DRC3: variants seen among roughly 807,000 people sequenced by gnomAD.
The protein encoded by DRC3 is dynein regulatory complex subunit 3, also known as leucine rich repeat containing 48.
A neutral mutation model predicts 57.6 loss-of-function variants in DRC3; 45 were observed. That is an observed-to-expected ratio of 0.78 (90% CI 0.62 to 1.00). The LOEUF is 1.00. DRC3 is among the 50% of genes least tolerant of loss of function. DRC3 has a pLI of 0.00. For missense variants in DRC3, 655 were observed against 675.2 expected, an observed-to-expected ratio of 0.97 and a Z score of 0.33; for synonymous variants, 257 against 272.3, an observed-to-expected ratio of 0.94 and a Z score of 0.55.
At chr17:18,004,533 G>A (rs750412218) in intron 10 of DRC3, 39 bp downstream of exon 10, 32 of 1,591,504 alleles carry the variant, frequency 2.0e-5, no homozygotes, top group Non-Finnish European at 2.7e-5. Flanking sequence ...AGAATCTGGC[G>A]ATGCAGCTGC....
chr17:17,984,101 C>T lies in DRC3; in HGVS notation c.277+157C>T, dbSNP rs942136815. 1.3e-4 allele frequency among the ~76,000 whole-genome samples: 20 copies of T among 152,326 alleles called. No individual in the cohort carries two copies. The Middle Eastern group carries it at 0.01, about 78-fold the overall frequency. ...GCTCTGCCTGCTGGGAGCAAGAAAGCTGCTATTTTTTAAAAGCCTAGGGCT... is the reference window on the plus strand; with the variant it reads ...GCTCTGCCTGCTGGGAGCAAGAAAGTTGCTATTTTTTAAAAGCCTAGGGCT... On this transcript the variant is annotated intron_variant, in intron 4 of 13. Coordinates refer to ENST00000399187, the MANE Select transcript of DRC3 (RefSeq NM_031294.4).
intron 12 of DRC3, chr17:18,010,526 A>G (rs1183066413): frequency 6.6e-6 from 1 of 152,238 alleles, no homozygotes; most frequent in Admixed American, 6.6e-5. Context: ...CCTGAGCAAA[A>G]AGAACAACGC....
At chr17:18,007,211 GAGGCTCTGT>G in intron 12 of DRC3, 64 bp downstream of exon 12, 1 of 1,006,736 alleles carries the variant, frequency 9.9e-7, no homozygotes, top group Non-Finnish European at 1.5e-6. Flanking sequence ...TGGCTGGACT[GAGGCTCTGT>G]GAGTAAGCCT....
chr17:17,975,140 T>G (rs1280426985), intron 2 of DRC3, among the ~76,000 whole-genome samples: 3 of 151,962 alleles, frequency 2.0e-5, no homozygotes, highest in African/African-American at 7.3e-5. Context: ...CAGGCCCTGA[T>G]GAAGTAGGAG....
intron 1 of DRC3, chr17:17,973,608 A>G (rs2042240396): frequency 6.6e-6 from 1 of 151,888 alleles, no homozygotes; most frequent in African/African-American, 2.4e-5. Context: ...TTTTTAAGAA[A>G]AATTTTGTTC....
At position 18,006,281 on chromosome 17, in the gene DRC3, T is replaced by C. The variant is rs762150026; in HGVS notation, c.1202+28T>C. The C allele has an allele frequency of 1.9e-6, 3 of 1,545,388 alleles. No individual in the cohort carries two copies. The South Asian group carries it at 3.4e-5, about 18-fold the overall frequency. On this transcript the variant is annotated intron_variant, in intron 11 of 13. Transcript: ENST00000399187. ...ATCCTTTCTGTGATGACCTTCCCCATGGGGAGGTGCTACAGAGCCCCTGGG... is the reference window on the plus strand; with the variant it reads ...ATCCTTTCTGTGATGACCTTCCCCACGGGGAGGTGCTACAGAGCCCCTGGG...
chr17:17,990,735 T>C (rs1157666355), intron 5 of DRC3, among the ~76,000 whole-genome samples: 1 of 152,174 alleles, frequency 6.6e-6, no homozygotes, highest in Non-Finnish European at 1.5e-5. Flanking sequence ...TTCACACCTG[T>C]AATCCCAGCA....
At chr17:17,994,546 C>A in intron 7 of DRC3, 128 bp downstream of exon 7, 2 of 1,294,046 alleles carry the variant, frequency 1.5e-6, no homozygotes, top group Non-Finnish European at 2.1e-6. Context: ...CTCCACAGGG[C>A]CTGATGCCCT....
chr17:18,001,957 C>T (rs1244373795), intron 9 of DRC3, among the ~76,000 whole-genome samples: 1 of 133,406 alleles, frequency 7.5e-6, no homozygotes, highest in African/African-American at 2.9e-5. Context: ...ACCTGAGGGC[C>T]GGGAGTTTGA....
At position 17,994,367 on chromosome 17, in the gene DRC3, G is replaced by C. The variant is rs1474348438; in HGVS notation, c.660G>C (p.Gln220His). The C allele has an allele frequency of 1.3e-6, 2 of 1,555,428 alleles. No individual in the cohort carries two copies. The highest frequency in any genetic ancestry group is 3.9e-5 in the Admixed American group (2 of 51,242). Residue 220 changes from glutamine (Q) to histidine (H), a missense_variant, in exon 7 of 14, where the codon CAG becomes CAC. Transcript: ENST00000399187. ...DELKHQENLMQAQLEDEQAQR... is the reference protein window; with the variant it reads ...DELKHQENLMHAQLEDEQAQR... Reference sequence around the variant, plus strand: ...TGAAGCACCAGGAGAACCTGATGCAGGCCCAGCTGGAGGACGAGCAGGCGC... The same window carrying C: ...TGAAGCACCAGGAGAACCTGATGCACGCCCAGCTGGAGGACGAGCAGGCGC...
In DRC3 at chr17:17,984,051, C is replaced by T. The variant is rs147265567; in HGVS notation, c.277+107C>T. ...TGTGTGCGACACTCAGCTGCTGGCC[C>T]ATCATTAGCCAGGGTACGGCAGAAG... On this transcript the variant is annotated intron_variant, in intron 4 of 13. Coordinates refer to ENST00000399187, the MANE Select transcript of DRC3 (RefSeq NM_031294.4). 12 of 684,442 alleles carry T rather than the reference C, an allele frequency of 1.8e-5. No individual in the cohort carries two copies. In the East Asian group the frequency reaches 3.3e-4, roughly 19 times the overall value. 42.4% of individuals were successfully genotyped at this position (684,442 alleles called of 1,614,324 possible). A position where few individuals can be genotyped will look rare whatever the true frequency, so the allele number is the denominator to read the frequency against.
Position 18,007,008 on chromosome 17 carries a change from T to G in DRC3, c.1203-16T>G. ...GGCCTGCTCCTCCCGGGCCTTTGCT[T>G]AACTCGGGGCTGCACGATGGCTCAG... On this transcript the variant is annotated splice_polypyrimidine_tract_variant and intron_variant, in intron 11 of 13. Coordinates refer to ENST00000399187, the MANE Select transcript of DRC3 (RefSeq NM_031294.4). 6.2e-7 allele frequency: 1 copy of G among 1,610,838 alleles called. No individual in the cohort carries two copies. The highest frequency in any genetic ancestry group is 8.5e-7 in the Non-Finnish European group (1 of 1,178,156).
At chr17:17,991,267 T>A (rs1165673359) in intron 5 of DRC3, among the ~76,000 whole-genome samples, 1 of 149,674 alleles carries the variant, frequency 6.7e-6, no homozygotes, top group East Asian at 2.0e-4. Context: ...GTCTAGATGC[T>A]ATCCAATGAA....
intron 12 of DRC3, chr17:18,010,801 T>TG (rs1359815681): frequency 3.5e-5 from 11 of 314,080 alleles, no homozygotes; most frequent in Non-Finnish European, 1.2e-5. Flanking sequence ...GGCAAAGGAG[T>TG]GGATGCCCAT....
At chr17:17,977,149 G>C (rs1431011747) in intron 2 of DRC3, among the ~76,000 whole-genome samples, 1 of 152,216 alleles carries the variant, frequency 6.6e-6, no homozygotes, top group East Asian at 1.9e-4. Flanking sequence ...CAAGGAAGAG[G>C]AGCTGCAGGC....
chr17:17,988,279 T>TA (rs11383218), intron 5 of DRC3, 181 bp downstream of exon 5: 279,406 of 664,296 alleles, frequency 0.42, 68,349 homozygotes, highest in East Asian at 0.89. Flanking sequence ...ATACCATGCT[T>TA]ACCCAACAAA....
chr17:18,000,380 G>A (rs1300026835), intron 9 of DRC3, among the ~76,000 whole-genome samples: 1 of 151,874 alleles, frequency 6.6e-6, no homozygotes, highest in Admixed American at 6.6e-5. Context: ...GTGTGTGTGT[G>A]TGCATAGCAT....
chr17:17,988,332 G>A lies in DRC3; in HGVS notation c.444+234G>A, dbSNP rs546992022. ...AGTTTACAACCTCCACATTAGTGGC[G>A]GTTCTTTCCCTGTGTCTTGCACTTA... On this transcript the variant is annotated intron_variant, in intron 5 of 13. Transcript: ENST00000399187. The A allele has an allele frequency of 3.8e-4, 207 of 541,098 alleles. 2 individuals are homozygous for A. In the South Asian group the frequency reaches 4.0e-3, roughly 11 times the overall value. The allele number at this position is 541,098 out of a possible 1,614,324, so 33.5% of individuals were successfully genotyped here. A position where few individuals can be genotyped will look rare whatever the true frequency, so the allele number is the denominator to read the frequency against.
intron 3 of DRC3, among the ~76,000 whole-genome samples, chr17:17,983,077 A>C (rs1290845085): frequency 6.6e-6 from 1 of 152,192 alleles, no homozygotes; most frequent in Non-Finnish European, 1.5e-5. Flanking sequence ...CAGTGACAGA[A>C]ACCAAACTCT....
Sources: allele counts gnomAD v4.1 joint callset (sites outside exome capture counted in the v4.1 genomes callset), GRCh38; gene constraint gnomAD v4.1.1; transcripts MANE v1.5; gene names NCBI Gene and HGNC (gene_info 2026-07-23, HGNC 2026-07-21).